The following MICU2 variants were observed in gnomAD, a reference collection of about 807,000 sequenced individuals.
MICU2 encodes calcium uptake protein 2, mitochondrial.
In MICU2, 64 loss-of-function variants were observed where a neutral mutation model predicts 60.4. The observed-to-expected ratio is 1.06, with a 90% CI of 0.87 to 1.31. The LOEUF is 1.31. MICU2 is among the 50% of genes most tolerant of loss of function. The pLI is 0.00. For synonymous variants in MICU2, 201 were observed against 175.0 expected (o/e 1.15, Z -1.17); for missense variants, 569 against 531.0 (o/e 1.07, Z -0.70).
At chr13:21,585,025 TC>T (rs751638847) in intron 1 of MICU2, among the ~76,000 whole-genome samples, 2 of 152,204 alleles carry the variant, frequency 1.3e-5, no homozygotes, top group Admixed American at 6.5e-5. Context: ...TGTTGTTCTT[TC>T]CCCCAGAAGA....
intron 4 of MICU2, among the ~76,000 whole-genome samples, chr13:21,530,123 C>G (rs1050645347): frequency 6.6e-6 from 1 of 152,160 alleles, no homozygotes; most frequent in Admixed American, 6.5e-5. Context: ...TCTTGTCATC[C>G]TTAAGTTACA....
intron 1 of MICU2, among the ~76,000 whole-genome samples, chr13:21,571,731 A>G (rs1888115882): frequency 6.6e-6 from 1 of 152,160 alleles, no homozygotes; most frequent in Non-Finnish European, 1.5e-5. Flanking sequence ...AAAACAGAGT[A>G]GGAGATATTT....
Position 21,566,798 on chromosome 13 carries a change from T to A in MICU2, c.357A>T (p.Glu119Asp). ...AAAAAAAAAAAAGACCCAACTCACG[T>A]TCCATTTGCTCAAACATCACTGAGA... ...FLFSVMFEQM[E>D]RKTSVKKLTK... Residue 119 changes from glutamate to aspartate, a missense_variant and splice_region_variant, in exon 2 of 12, where the codon GAA becomes GAT. Coordinates refer to ENST00000382374, the MANE Select transcript of MICU2 (RefSeq NM_152726.3). 3 of 1,563,542 alleles carry A rather than the reference T, an allele frequency of 1.9e-6. No individual in the cohort carries two copies. The highest frequency in any genetic ancestry group is 1.7e-6 in the Non-Finnish European group (2 of 1,160,306).
intron 8 of MICU2, among the ~76,000 whole-genome samples, chr13:21,508,361 G>C (rs887037236): frequency 6.6e-6 from 1 of 151,974 alleles, no homozygotes; most frequent in African/African-American, 2.4e-5. Context: ...TCCTGACCTC[G>C]TGATCCACCA....
At chr13:21,553,448 G>C (rs1205236763) in intron 2 of MICU2, among the ~76,000 whole-genome samples, 1 of 151,980 alleles carries the variant, frequency 6.6e-6, no homozygotes, top group Non-Finnish European at 1.5e-5. Flanking sequence ...GACTGCCCTG[G>C]CCAGAACTTG....
intron 2 of MICU2, among the ~76,000 whole-genome samples, chr13:21,549,358 A>AT (rs1887496435): frequency 6.6e-6 from 1 of 152,164 alleles, no homozygotes; most frequent in African/African-American, 2.4e-5. Context: ...CCCAAATCAG[A>AT]TTAAGCTACA....
intron 8 of MICU2, 44 bp downstream of exon 8, chr13:21,509,960 T>C (rs974706443): frequency 2.8e-6 from 3 of 1,086,980 alleles, no homozygotes; most frequent in Non-Finnish European, 2.7e-6. Context: ...CTTTATTTCT[T>C]ACCCATAAAA....
intron 9 of MICU2, 141 bp downstream of exon 9, chr13:21,502,785 C>G (rs1322087225): frequency 2.8e-6 from 2 of 715,822 alleles, no homozygotes; most frequent in Non-Finnish European, 4.5e-6. Flanking sequence ...AGGAGAAGAG[C>G]ATGTAGAGAA....
intron 4 of MICU2, among the ~76,000 whole-genome samples, chr13:21,538,174 C>T (rs780030380): frequency 2.0e-5 from 3 of 152,062 alleles, no homozygotes; most frequent in East Asian, 1.9e-4. Flanking sequence ...TCCGCCCTCA[C>T]GTCTCAGTGC....
At chr13:21,586,986 C>T (rs1888474320) in intron 1 of MICU2, among the ~76,000 whole-genome samples, 1 of 152,134 alleles carries the variant, frequency 6.6e-6, no homozygotes, top group Admixed American at 6.5e-5. Flanking sequence ...TCTGACATTC[C>T]AGAGAGTATA....
At chr13:21,512,933 T>C (rs558472626) in intron 7 of MICU2, among the ~76,000 whole-genome samples, 6 of 152,252 alleles carry the variant, frequency 3.9e-5, no homozygotes, top group South Asian at 2.1e-4. Flanking sequence ...CTTTTACACA[T>C]AGATATCCAG....
In MICU2 at chr13:21,566,661, A is replaced by T. The variant is rs894728721; in HGVS notation, c.358+136T>A. 189 of 675,276 alleles carry T rather than the reference A, an allele frequency of 2.8e-4. 2 individuals are homozygous for T. The highest frequency in any genetic ancestry group is 4.0e-4 in the Non-Finnish European group (168 of 419,386). 41.8% of individuals were successfully genotyped at this position (675,276 alleles called of 1,614,324 possible). A position where few individuals can be genotyped will look rare whatever the true frequency, so the allele number is the denominator to read the frequency against. ...ATAAAAGTATAAGTAGTGTCACAAG[A>T]AAAGTCTAAATAAGCAAATGCATGG... On this transcript the variant is annotated intron_variant, in intron 2 of 11. Transcript: ENST00000382374.
At chr13:21,551,697 T>C (rs1887570380) in intron 2 of MICU2, among the ~76,000 whole-genome samples, 1 of 151,034 alleles carries the variant, frequency 6.6e-6, no homozygotes, top group Non-Finnish European at 1.5e-5. Context: ...GTTTGGTTTT[T>C]AGTCCTTGCG....
chr13:21,570,683 G>C (rs755969096), intron 1 of MICU2, among the ~76,000 whole-genome samples: 2 of 152,132 alleles, frequency 1.3e-5, no homozygotes, highest in African/African-American at 2.4e-5. Context: ...CACATATTGC[G>C]ACTATAACTG....
At chr13:21,518,104 A>G (rs1398594174) in intron 6 of MICU2, among the ~76,000 whole-genome samples, 1 of 152,242 alleles carries the variant, frequency 6.6e-6, no homozygotes, top group African/African-American at 2.4e-5. Context: ...TAATCACCCA[A>G]CAATTTTCCA....
intron 2 of MICU2, among the ~76,000 whole-genome samples, chr13:21,548,073 A>G (rs1345226300): frequency 6.6e-6 from 1 of 152,252 alleles, no homozygotes; most frequent in Non-Finnish European, 1.5e-5. Flanking sequence ...TTCTACCATT[A>G]GGGAACCAAT....
intron 2 of MICU2, among the ~76,000 whole-genome samples, chr13:21,555,560 T>A (rs1887687473): frequency 6.6e-6 from 1 of 152,186 alleles, no homozygotes. Context: ...CCACAGCCAA[T>A]ATCATACTGA....
intron 1 of MICU2, among the ~76,000 whole-genome samples, chr13:21,584,412 T>C (rs1888416372): frequency 6.6e-6 from 1 of 151,064 alleles, no homozygotes; most frequent in Admixed American, 6.6e-5. Context: ...AAGGTTTGCA[T>C]TTCCAGGGTA....
At chr13:21,588,289 A>G (rs1158262204) in intron 1 of MICU2, among the ~76,000 whole-genome samples, 1 of 152,252 alleles carries the variant, frequency 6.6e-6, no homozygotes, top group Non-Finnish European at 1.5e-5. Flanking sequence ...CACGTTAAAC[A>G]AAACAATTGT....
Sources: allele counts gnomAD v4.1 joint callset (sites outside exome capture counted in the v4.1 genomes callset), GRCh38; gene constraint gnomAD v4.1.1; transcripts MANE v1.5; gene names NCBI Gene and HGNC (gene_info 2026-07-23, HGNC 2026-07-21).